VRK1: variants seen among roughly 807,000 people sequenced by gnomAD.
VRK1 encodes the protein VRK serine/threonine kinase 1, also known as serine/threonine-protein kinase VRK1.
Under a neutral mutation model 57.1 loss-of-function variants are expected in VRK1, and 33 were observed. The observed-to-expected ratio is 0.58, with a 90% CI of 0.44 to 0.77. The LOEUF (loss-of-function observed/expected upper bound fraction) is 0.77. VRK1 is among the 30% of genes least tolerant of loss of function. The pLI, the probability that VRK1 is intolerant of heterozygous loss-of-function variation, is 0.00. For synonymous variants in VRK1, 137 were observed against 147.8 expected, an observed-to-expected ratio of 0.93 and a Z score of 0.53; for missense variants, 413 against 477.3, an observed-to-expected ratio of 0.87 and a Z score of 1.25.
At chr14:96,865,012 C>T (rs975824308) in intron 11 of VRK1, among the ~76,000 whole-genome samples, 1 of 151,402 alleles carries the variant, frequency 6.6e-6, no homozygotes, top group Non-Finnish European at 1.5e-5. Flanking sequence ...CACATATCAT[C>T]TTCCAGTTGG....
intron 1 of VRK1, among the ~76,000 whole-genome samples, chr14:96,829,406 G>A (rs1294345592): frequency 6.6e-6 from 1 of 152,096 alleles, no homozygotes; most frequent in Non-Finnish European, 1.5e-5. Flanking sequence ...TTGCTGCTGG[G>A]TTGATTATTG....
chr14:96,848,335 CTT>C (rs1428948273), intron 5 of VRK1, among the ~76,000 whole-genome samples: 2 of 152,172 alleles, frequency 1.3e-5, no homozygotes, highest in Non-Finnish European at 2.9e-5. Context: ...CTGTGGCAGA[CTT>C]TCTCTCACGT....
At chr14:96,813,859 C>T (rs1416883974) in intron 1 of VRK1, among the ~76,000 whole-genome samples, 2 of 152,138 alleles carry the variant, frequency 1.3e-5, no homozygotes, top group African/African-American at 4.8e-5. Flanking sequence ...ACTTTCCTTG[C>T]AACTTACTGG....
Position 96,856,226 on chromosome 14 carries a change from A to G in VRK1, c.806A>G (p.Lys269Arg), listed in dbSNP as rs778413690. 2 of 1,613,588 alleles carry G rather than the reference A, an allele frequency of 1.2e-6. No individual in the cohort carries two copies. Among genetic ancestry groups the G allele is most frequent in the South Asian group, 1.1e-5 (1 of 91,068 alleles). The change falls in exon 9 of 13, where the codon AAA becomes AGA. Residue 269 changes from lysine (K) to arginine (R), a missense_variant. Lys to Arg is a conservative substitution (Grantham distance 26). Transcript: ENST00000216639. ...TGGGAGGATAATTTGAAAGATCCTA[A>G]ATATGTTAGAGATTCCAAAATTAGG... The part of the protein sequence containing the change: ...LPWEDNLKDP[K>R]YVRDSKIRYR...
At chr14:96,861,084 A>T (rs1888372498) in intron 11 of VRK1, among the ~76,000 whole-genome samples, 2 of 152,086 alleles carry the variant, frequency 1.3e-5, no homozygotes, top group African/African-American at 4.8e-5. Context: ...TTATTTGTGG[A>T]TATGGTCAGA....
At chr14:96,824,722 C>T (rs1050560422) in intron 1 of VRK1, among the ~76,000 whole-genome samples, 1 of 149,056 alleles carries the variant, frequency 6.7e-6, no homozygotes, top group African/African-American at 2.5e-5. Context: ...GGCGCCGTCT[C>T]GGCTCACTGC....
rs565176872 is a variant in VRK1 at position 96,820,399 on chromosome 14, C to T, written c.-5-13068C>T. On this transcript the variant is annotated intron_variant, in intron 1 of 12. Coordinates refer to ENST00000216639, the MANE Select transcript of VRK1 (RefSeq NM_003384.3). ...GCATCGATGATTGCTCTCAATTGATCGTTGTCAACTTCCAATGGCCAGCCT... is the reference window on the plus strand; with the variant it reads ...GCATCGATGATTGCTCTCAATTGATTGTTGTCAACTTCCAATGGCCAGCCT... Among the ~76,000 whole-genome samples, 8 of 152,244 alleles carry T rather than the reference C, an allele frequency of 5.3e-5. No individual in the cohort carries two copies. In the South Asian group the frequency reaches 1.7e-3, roughly 32 times the overall value.
intron 3 of VRK1, among the ~76,000 whole-genome samples, chr14:96,843,570 T>C (rs1169551992): frequency 6.6e-6 from 1 of 152,208 alleles, no homozygotes; most frequent in Non-Finnish European, 1.5e-5. Context: ...CATTGAAATA[T>C]ATCACATTTT....
intron 1 of VRK1, among the ~76,000 whole-genome samples, chr14:96,808,316 C>G (rs1251922562): frequency 1.3e-5 from 2 of 152,176 alleles, no homozygotes; most frequent in African/African-American, 4.8e-5. Context: ...ACTGCCTAGT[C>G]AGTCATTCCT....
intron 11 of VRK1, among the ~76,000 whole-genome samples, chr14:96,861,874 AT>A (rs1888403314): frequency 6.6e-6 from 1 of 151,822 alleles, no homozygotes; most frequent in Non-Finnish European, 1.5e-5. Flanking sequence ...CCTGAGTGGA[AT>A]TTTTTAGTAA....
chr14:96,877,395 T>C (rs1399948693), intron 12 of VRK1: 1 of 759,504 alleles, frequency 1.3e-6, no homozygotes, highest in African/African-American at 1.8e-5. Flanking sequence ...AACTTCACAC[T>C]GAAGGCGAGA....
intron 11 of VRK1, among the ~76,000 whole-genome samples, chr14:96,867,903 CT>C (rs1407678861): frequency 6.6e-6 from 1 of 151,908 alleles, no homozygotes; most frequent in Non-Finnish European, 1.5e-5. Flanking sequence ...AATTATGAGA[CT>C]TTTTTATATT....
rs1555361508 is a variant in VRK1, at chr14:96,855,315, G to T, written c.668G>T (p.Gly223Val). 2 of 1,614,076 alleles carry T rather than the reference G, an allele frequency of 1.2e-6. No individual in the cohort carries two copies. The highest frequency in any genetic ancestry group is 1.7e-6 in the Non-Finnish European group (2 of 1,179,962). The change falls in exon 8 of 13, where the codon GGC (glycine) becomes GTC (valine). Residue 223 changes from glycine (G) to valine (V), a missense_variant. By Grantham distance (109) the Gly-to-Val change is moderately radical. Coordinates refer to ENST00000216639, the MANE Select transcript of VRK1 (RefSeq NM_003384.3). The part of the protein sequence containing the change: ...YKEDPKRCHD[G>V]TIEFTSIDAH... ...GAAGACCCCAAAAGATGTCACGATG[G>T]CACTATTGAATTCACGAGCATCGAT...
chr14:96,871,774 A>G (rs1229884302), intron 11 of VRK1, among the ~76,000 whole-genome samples: 2 of 152,188 alleles, frequency 1.3e-5, no homozygotes, highest in Non-Finnish European at 2.9e-5. Context: ...ACTGAAACTC[A>G]TTGAAAACAA....
intron 1 of VRK1, among the ~76,000 whole-genome samples, chr14:96,806,489 T>C (rs1885883576): frequency 6.6e-6 from 1 of 152,240 alleles, no homozygotes; most frequent in Non-Finnish European, 1.5e-5. Context: ...GTGTGAAAGC[T>C]TTGAAAGTCA....
chr14:96,850,488 T>C (rs2139790076), intron 5 of VRK1, among the ~76,000 whole-genome samples: 1 of 152,316 alleles, frequency 6.6e-6, no homozygotes, highest in East Asian at 1.9e-4. Flanking sequence ...AATGTGGTAA[T>C]GGTTTCTGTG....
rs755533549 is a variant in VRK1, at chr14:96,852,933, A to G, written c.477A>G (p.Leu159=). 8.1e-6 allele frequency: 13 copies of G among 1,613,642 alleles called. No individual in the cohort carries two copies. Among genetic ancestry groups the G allele is most frequent in the Non-Finnish European group, 1.1e-5 (13 of 1,179,722 alleles). The part of the protein sequence containing the change: ...FSRKTVLQLS[L]RILDILEYIH... ...GGAAAACTGTCTTGCAGCTAAGCTT[A>G]AGAATTGTATGTGAGCTATGTTCTT... is the stretch of plus-strand genomic sequence containing the variant. Residue 159 remains leucine (L), a synonymous_variant, in exon 6 of 13, where the codon TTA becomes TTG. Coordinates refer to ENST00000216639, the MANE Select transcript of VRK1 (RefSeq NM_003384.3).
chr14:96,810,574 A>G (rs1886150112), intron 1 of VRK1, among the ~76,000 whole-genome samples: 1 of 152,188 alleles, frequency 6.6e-6, no homozygotes, highest in African/African-American at 2.4e-5. Flanking sequence ...TCTGTTGGAC[A>G]CAAGCCTGGG....
intron 5 of VRK1, among the ~76,000 whole-genome samples, chr14:96,849,383 C>T (rs1196045245): frequency 6.6e-6 from 1 of 151,854 alleles, no homozygotes; most frequent in Non-Finnish European, 1.5e-5. Context: ...GTACCTGGGG[C>T]TAGAGCATTT....
Sources: allele counts gnomAD v4.1 joint callset (sites outside exome capture counted in the v4.1 genomes callset), GRCh38; gene constraint gnomAD v4.1.1; transcripts MANE v1.5; gene names NCBI Gene and HGNC (gene_info 2026-07-23, HGNC 2026-07-21).